The following CRACDL variants were observed in gnomAD, a reference collection of about 807,000 sequenced individuals.
CRACDL encodes the protein CRACD-like protein.
A neutral mutation model predicts 70.6 loss-of-function variants in CRACDL; 26 were observed. The ratio of observed to expected loss-of-function variants is 0.37; its 90% CI spans 0.27 to 0.51. The LOEUF (loss-of-function observed/expected upper bound fraction) is 0.51, where lower values mean the gene tolerates loss of function less well. CRACDL is among the 20% of genes least tolerant of loss of function. The pLI is 0.94. For synonymous variants in CRACDL, 618 were observed against 615.2 expected, an observed-to-expected ratio of 1.00 and a Z score of -0.07; for missense variants, 1,283 against 1,376.9, an observed-to-expected ratio of 0.93 and a Z score of 1.08.
rs1706373928 is a variant in CRACDL, at chr2:98,849,025, C to A, written c.-10-2215G>T. On this transcript the variant is annotated intron_variant, in intron 1 of 9. Coordinates refer to ENST00000397899, the MANE Select transcript of CRACDL (RefSeq NM_207362.3). The stretch of plus-strand genomic sequence containing the variant: ...CACTGGGATACAGTGACAGATGAGA[C>A]CCACGTGGTTCCCACCTCTTGCAGG... 1.3e-5 allele frequency among the ~76,000 whole-genome samples: 2 copies of A among 152,352 alleles called. 1 individual carries two copies. Among genetic ancestry groups the A allele is most frequent in the South Asian group, 4.1e-4 (2 of 4,832 alleles).
chr2:98,826,669 G>A (rs1283595589), intron 6 of CRACDL, among the ~76,000 whole-genome samples: 1 of 152,208 alleles, frequency 6.6e-6, no homozygotes, highest in Non-Finnish European at 1.5e-5. Context: ...TGATGTGCCA[G>A]GCCTGGAGCG....
chr2:98,919,246 G>A (rs1215469357), intron 1 of CRACDL, among the ~76,000 whole-genome samples: 1 of 152,180 alleles, frequency 6.6e-6, no homozygotes, highest in Non-Finnish European at 1.5e-5. Context: ...AGTATAGTTT[G>A]AACTCAGGTA....
intron 1 of CRACDL, among the ~76,000 whole-genome samples, chr2:98,906,352 C>A (rs1015892126): frequency 4.0e-5 from 6 of 151,742 alleles, no homozygotes; most frequent in Non-Finnish European, 7.4e-5. Flanking sequence ...ACCTCCACCT[C>A]CCCGATTCAA....
Position 98,794,673 on chromosome 2 carries a change from T to C in CRACDL, c.2750-2A>G, listed in dbSNP as rs767293449. 4.4e-6 allele frequency: 7 copies of C among 1,606,020 alleles called. No individual in the cohort carries two copies. The highest frequency in any genetic ancestry group is 6.0e-6 in the Non-Finnish European group (7 of 1,174,598). ...TCTCCATCATCACTGCAGACTGAGC[T>C]GCTTGGAAGGGAGACAAAACCAACA... On this transcript the variant is annotated splice_acceptor_variant, in intron 9 of 9. Coordinates refer to ENST00000397899, the MANE Select transcript of CRACDL (RefSeq NM_207362.3). LOFTEE classifies it high-confidence loss of function.
chr2:98,869,326 G>A (rs1707260591), intron 1 of CRACDL: 2 of 1,179,632 alleles, frequency 1.7e-6, no homozygotes, highest in Non-Finnish European at 2.2e-6. Flanking sequence ...CCTGTGCCCC[G>A]TGAGCTCCTT....
intron 1 of CRACDL, among the ~76,000 whole-genome samples, chr2:98,884,839 G>C (rs1402092878): frequency 6.6e-6 from 1 of 152,226 alleles, no homozygotes; most frequent in East Asian, 1.9e-4. Flanking sequence ...GAAAGGCACT[G>C]CTGTTGTTTG....
At chr2:98,929,517 G>C (rs928145124) in intron 1 of CRACDL, among the ~76,000 whole-genome samples, 5 of 152,166 alleles carry the variant, frequency 3.3e-5, no homozygotes, top group Non-Finnish European at 7.3e-5. Context: ...GGAGCCAGGG[G>C]AAGAAACCAT....
chr2:98,897,357 T>C, intron 1 of CRACDL: 3 of 1,301,954 alleles, frequency 2.3e-6, no homozygotes, highest in Non-Finnish European at 3.0e-6. Context: ...TATATTTGCC[T>C]TGCTCCTCTT....
intron 1 of CRACDL, among the ~76,000 whole-genome samples, chr2:98,876,887 T>C (rs1707500342): frequency 6.6e-6 from 1 of 152,220 alleles, no homozygotes; most frequent in Non-Finnish European, 1.5e-5. Context: ...GGTCACAGAC[T>C]TAAATAAATG....
chr2:98,796,440 G>T (rs529675656), intron 8 of CRACDL, among the ~76,000 whole-genome samples, 176 bp from the exon 9 acceptor site: 1 of 152,350 alleles, frequency 6.6e-6, no homozygotes, highest in East Asian at 1.9e-4. Context: ...TGCTGGCGCT[G>T]GGACCAGTAT....
At chr2:98,891,687 A>C (rs1017239188) in intron 1 of CRACDL, among the ~76,000 whole-genome samples, 1 of 152,202 alleles carries the variant, frequency 6.6e-6, no homozygotes, top group Non-Finnish European at 1.5e-5. Context: ...GGAAGGCTGT[A>C]TACAAATCAT....
At chr2:98,922,973 T>A (rs965188647) in intron 1 of CRACDL, among the ~76,000 whole-genome samples, 10 of 152,156 alleles carry the variant, frequency 6.6e-5, no homozygotes, top group Non-Finnish European at 2.9e-5. Flanking sequence ...GCCTACTACA[T>A]CTTTTAAATT....
chr2:98,894,843 T>G (rs192925632), intron 1 of CRACDL, among the ~76,000 whole-genome samples: 1 of 152,316 alleles, frequency 6.6e-6, no homozygotes, highest in Admixed American at 6.5e-5. Context: ...TGGTGGCTCA[T>G]GTCTGTAATC....
chr2:98,899,975 G>C (rs1222040888), intron 1 of CRACDL, among the ~76,000 whole-genome samples: 3 of 145,816 alleles, frequency 2.1e-5, no homozygotes, highest in East Asian at 4.2e-4. Flanking sequence ...AGTAGGAGGG[G>C]ACACAGATGG....
chr2:98,933,663 G>A (rs1709138524), intron 1 of CRACDL, among the ~76,000 whole-genome samples: 2 of 152,166 alleles, frequency 1.3e-5, no homozygotes, highest in South Asian at 4.1e-4. Context: ...CCAGCCTGCA[G>A]GGGAAGAGCC....
chr2:98,850,385 T>C (rs1706432754), intron 1 of CRACDL, among the ~76,000 whole-genome samples: 1 of 152,226 alleles, frequency 6.6e-6, no homozygotes, highest in Non-Finnish European at 1.5e-5. Context: ...AACTCGCCTT[T>C]CTGAATATGC....
chr2:98,822,318 T>C lies in CRACDL; in HGVS notation c.1955A>G (p.Lys652Arg). ...DRAASPAGPR[K>R]SPQEAAAAPG... Reference sequence around the variant, plus strand: ...CGCGGCGGCCGCCTCCTGAGGGCTCTTGCGCGGCCCGGCCGGGCTGGCCGC... The same window carrying C: ...CGCGGCGGCCGCCTCCTGAGGGCTCCTGCGCGGCCCGGCCGGGCTGGCCGC... The change falls in exon 7 of 10, where the codon AAG becomes AGG. Residue 652 changes from lysine (K) to arginine (R), a missense_variant. By Grantham distance (26) the Lys-to-Arg change is conservative (BLOSUM62 2). Around this residue, in one of 2 missense-constraint regions of CRACDL, gnomAD observed 921 missense variants for 881.9 expected, o/e 1.04. Coordinates refer to ENST00000397899, the MANE Select transcript of CRACDL (RefSeq NM_207362.3). This position sits in a 1 kb window ranked among gnomAD's most constrained non-coding sequence, Gnocchi z 4.9. The C allele has an allele frequency of 1.4e-6, 2 of 1,474,992 alleles. No homozygotes were observed. The highest frequency in any genetic ancestry group is 1.8e-6 in the Non-Finnish European group (2 of 1,124,562). The allele number at this position is 1,474,992 out of a possible 1,614,324, so 91.4% of individuals were successfully genotyped here.
intron 1 of CRACDL, among the ~76,000 whole-genome samples, chr2:98,926,622 C>G (rs1272505555): frequency 6.6e-6 from 1 of 152,106 alleles, no homozygotes; most frequent in African/African-American, 2.4e-5. Flanking sequence ...CGCTGAACAC[C>G]GAAAATACAA....
At chr2:98,893,292 AT>A (rs746953290) in intron 1 of CRACDL, among the ~76,000 whole-genome samples, 73,209 of 148,288 alleles carry the variant, frequency 0.49, 18,902 homozygotes, top group African/African-American at 0.67. Context: ...AAGGAACCCT[AT>A]TTTTTTTTTT....
Sources: gnomAD v4.1 joint callset for allele counts (sites outside exome capture counted in the v4.1 genomes callset) on GRCh38, gnomAD v4.1.1 for gene constraint, gnomAD v4.1.1 regional missense constraint, Gnocchi (gnomAD v3.1) non-coding constraint, MANE v1.5 for transcripts, NCBI Gene and HGNC (gene_info 2026-07-23, HGNC 2026-07-21) for gene names.